SHANK2: variants seen among roughly 807,000 people sequenced by gnomAD.
The protein encoded by SHANK2 is SH3 and multiple ankyrin repeat domains protein 2.
SHANK2 carries 43 observed loss-of-function variants against 133.7 expected under a neutral mutation model. The ratio of observed to expected loss-of-function variants is 0.32; its 90% CI spans 0.25 to 0.41. SHANK2 has a LOEUF of 0.41. SHANK2 is among the 10% of genes least tolerant of loss of function. The pLI is 1.00. For missense variants in SHANK2, 1,994 were observed against 2,235.8 expected (o/e 0.89, Z 2.18); for synonymous variants, 1,017 against 952.8 (o/e 1.07, Z -1.24).
At chr11:71,193,227 G>C (rs144607297) in intron 2 of SHANK2, among the ~76,000 whole-genome samples, 2 of 152,202 alleles carry the variant, frequency 1.3e-5, no homozygotes, top group African/African-American at 4.8e-5. Context: ...ACCAGAACCG[G>C]CTGAGAGGGC....
chr11:71,074,485 G>A (rs1390826704), intron 9 of SHANK2, among the ~76,000 whole-genome samples: 1 of 152,058 alleles, frequency 6.6e-6, no homozygotes, highest in African/African-American at 2.4e-5. Context: ...GGCTTTACGT[G>A]TTTTTTTAAG....
intron 9 of SHANK2, among the ~76,000 whole-genome samples, chr11:71,057,406 A>G (rs965326980): frequency 2.0e-5 from 3 of 152,208 alleles, no homozygotes; most frequent in Non-Finnish European, 4.4e-5. Context: ...TACATTTTAA[A>G]GGCTTAAAGA....
chr11:70,862,749 TGGGGTG>T (rs1949281609), intron 11 of SHANK2: 1 of 34,370 alleles, frequency 2.9e-5, no homozygotes, highest in Non-Finnish European at 5.2e-5. Context: ...TCTATGTGCT[TGGGGTG>T]GGGGTGGGGA....
chr11:70,734,091 G>C (rs1207881619), intron 14 of SHANK2, among the ~76,000 whole-genome samples: 3 of 152,116 alleles, frequency 2.0e-5, no homozygotes, highest in Admixed American at 1.3e-4. Context: ...CAGCAGGGAG[G>C]GGGCAGGAGG....
chr11:70,609,469 C>G (rs1554993512), intron 17 of SHANK2, among the ~76,000 whole-genome samples: 1 of 152,284 alleles, frequency 6.6e-6, no homozygotes, highest in East Asian at 1.9e-4. Flanking sequence ...AGTAATTCCA[C>G]CACACAGGGA....
At chr11:70,679,643 G>A (rs1219572934) in intron 15 of SHANK2, among the ~76,000 whole-genome samples, 1 of 152,262 alleles carries the variant, frequency 6.6e-6, no homozygotes, top group Non-Finnish European at 1.5e-5. Context: ...TCCACTGAAC[G>A]GGAGGCTTGG....
chr11:70,497,942 G>C (rs918622948), intron 21 of SHANK2, among the ~76,000 whole-genome samples: 1 of 152,254 alleles, frequency 6.6e-6, no homozygotes, highest in Non-Finnish European at 1.5e-5. Context: ...CAGAGCCTGG[G>C]AGCCAGCCCC....
intron 14 of SHANK2, among the ~76,000 whole-genome samples, chr11:70,708,399 C>A (rs1945710508): frequency 6.6e-6 from 1 of 152,206 alleles, no homozygotes. Flanking sequence ...TGCCTCCAAT[C>A]TCTAAACATT....
intron 14 of SHANK2, among the ~76,000 whole-genome samples, chr11:70,766,206 G>A (rs1404173925): frequency 1.3e-5 from 2 of 152,242 alleles, no homozygotes; most frequent in African/African-American, 2.4e-5. Flanking sequence ...ACCTTGAACT[G>A]CGAGGCAGCC....
At chr11:71,229,319 A>G (rs1555122666) in intron 1 of SHANK2, among the ~76,000 whole-genome samples, 1 of 152,220 alleles carries the variant, frequency 6.6e-6, no homozygotes, top group Non-Finnish European at 1.5e-5. Flanking sequence ...AATCACAAAG[A>G]AACAACCATA....
At chr11:70,678,894 A>C (rs1487037517) in intron 15 of SHANK2, among the ~76,000 whole-genome samples, 3 of 152,100 alleles carry the variant, frequency 2.0e-5, no homozygotes, top group African/African-American at 7.2e-5. Flanking sequence ...CCTGACCCCA[A>C]GTCCAGGCTG....
intron 11 of SHANK2, among the ~76,000 whole-genome samples, chr11:70,893,755 A>G (rs1949889634): frequency 6.6e-6 from 1 of 152,212 alleles, no homozygotes; most frequent in East Asian, 1.9e-4. Context: ...AAGCCCAAAA[A>G]TCAGGGAACA....
chr11:70,861,200 C>T (rs782420017), intron 11 of SHANK2, among the ~76,000 whole-genome samples: 2 of 152,224 alleles, frequency 1.3e-5, no homozygotes, highest in Non-Finnish European at 2.9e-5. Context: ...TCATGTTTAA[C>T]AGCAAGACCT....
chr11:70,848,032 C>A (rs147623915), intron 11 of SHANK2, among the ~76,000 whole-genome samples: 1 of 152,178 alleles, frequency 6.6e-6, no homozygotes, highest in African/African-American at 2.4e-5. Context: ...GCAATGCCTG[C>A]GGTAGGAAGG....
intron 21 of SHANK2, among the ~76,000 whole-genome samples, chr11:70,498,893 A>C (rs1206487358): frequency 6.6e-6 from 1 of 152,098 alleles, no homozygotes; most frequent in East Asian, 1.9e-4. Flanking sequence ...TTTAGGGCCC[A>C]CCCGAGTCCA....
chr11:70,599,909 A>AAGAAAGAAAGAT (rs2060463210), intron 17 of SHANK2, among the ~76,000 whole-genome samples: 1 of 37,506 alleles, frequency 2.7e-5, no homozygotes, highest in African/African-American at 1.2e-4. Context: ...AAGAAAGAGA[A>AAGAAAGAAAGAT]AGAAAGAAAG....
chr11:71,126,216 CAAAA>C (rs1170621448), intron 3 of SHANK2, among the ~76,000 whole-genome samples: 26 of 64,438 alleles, frequency 4.0e-4, no homozygotes, highest in African/African-American at 1.3e-3. Context: ...GACTCCGTCT[CAAAA>C]AAAAAAAAAA....
chr11:70,553,901 C>G (rs540473946), intron 17 of SHANK2, among the ~76,000 whole-genome samples: 1 of 152,226 alleles, frequency 6.6e-6, no homozygotes, highest in African/African-American at 2.4e-5. Context: ...AGCTCACTTG[C>G]AATGGGTGAT....
At chr11:70,738,680 CATTCTT>C (rs2134783908) in intron 14 of SHANK2, among the ~76,000 whole-genome samples, 1 of 152,366 alleles carries the variant, frequency 6.6e-6, no homozygotes, top group African/African-American at 2.4e-5. Context: ...CCACCGTACT[CATTCTT>C]ATAACCCCCA....
Sources: gnomAD v4.1 joint callset for allele counts (sites outside exome capture counted in the v4.1 genomes callset) on GRCh38, gnomAD v4.1.1 for gene constraint, MANE v1.5 for transcripts, NCBI Gene and HGNC (gene_info 2026-07-23, HGNC 2026-07-21) for gene names.